Variants in MCM9 observed in about 807,000 individuals in gnomAD.
MCM9 encodes DNA helicase MCM9.
MCM9 carries 55 observed loss-of-function variants against 72.8 expected under a neutral mutation model. The ratio of observed to expected loss-of-function variants is 0.76; its 90% CI spans 0.61 to 0.95. MCM9 has a LOEUF of 0.95. Ranked by LOEUF, MCM9 falls within the 40% of genes least tolerant of loss-of-function variation. The pLI is 0.00. For synonymous variants in MCM9, 480 were observed against 503.4 expected, an observed-to-expected ratio of 0.95 and a Z score of 0.62; for missense variants, 1,279 against 1,377.0, an observed-to-expected ratio of 0.93 and a Z score of 1.13.
At chr6:118,894,377 C>G (rs751978421) in intron 8 of MCM9, 106 of 1,536,386 alleles carry the variant, frequency 6.9e-5, no homozygotes, top group Non-Finnish European at 8.5e-5. Context: ...GTGCCGCAAC[C>G]AGCCCCAGTT....
chr6:118,836,148 G>A lies in MCM9; in HGVS notation c.1326-6898C>T, dbSNP rs149681215. Among the ~76,000 whole-genome samples the A allele has an allele frequency of 3.3e-4, 50 of 152,264 alleles. 1 individual carries two copies. The highest frequency in any genetic ancestry group is 1.9e-3 in the South Asian group (9 of 4,826). ...TGGTTCTGTTTAAGTGATGGATTAC[G>A]TTTATTGATTTGCATATGTTGAACC... On this transcript the variant is annotated intron_variant, in intron 9 of 13. Coordinates refer to ENST00000619706, the MANE Select transcript of MCM9 (RefSeq NM_017696.3).
Position 118,931,465 on chromosome 6 carries a change from GCTGAGAAAGGGA to G in MCM9, c.247_258del (p.Ser83_Gln86del). On this transcript the variant is annotated inframe_deletion, in exon 3 of 14. Coordinates refer to ENST00000619706, the MANE Select transcript of MCM9 (RefSeq NM_017696.3). ...TTCTGTTTCATGGAAACAGCCTCAG[GCTGAGAAAGGGA>G]CTGGAGAATTGTCAAGGCTGACCTT... 3 of 1,613,948 alleles carry G rather than the reference GCTGAGAAAGGGA, an allele frequency of 1.9e-6. No homozygotes were observed. Among genetic ancestry groups the G allele is most frequent in the Non-Finnish European group, 2.5e-6 (3 of 1,179,844 alleles).
chr6:118,917,821 A>G (rs759327242), intron 5 of MCM9, 60 bp from the exon 6 acceptor site: 2 of 1,428,184 alleles, frequency 1.4e-6, no homozygotes, highest in Non-Finnish European at 2.0e-6. Context: ...CACAGACTCA[A>G]AATGACAAAG....
At chr6:118,832,147 A>G (rs1263864702) in intron 9 of MCM9, among the ~76,000 whole-genome samples, 3 of 152,180 alleles carry the variant, frequency 2.0e-5, no homozygotes, top group Admixed American at 1.3e-4. Flanking sequence ...TACAACCTCA[A>G]ACTCCTGGGC....
At chr6:118,826,386 C>CG (rs1271590078) in intron 12 of MCM9, 94 bp from the exon 13 acceptor site, 21 of 1,321,068 alleles carry the variant, frequency 1.6e-5, no homozygotes, top group Non-Finnish European at 2.1e-5. Context: ...GGGCTAAGAC[C>CG]GCCGTTTACA....
chr6:118,857,900 G>T (rs1003520393), intron 8 of MCM9, among the ~76,000 whole-genome samples: 3 of 152,046 alleles, frequency 2.0e-5, no homozygotes, highest in Admixed American at 6.5e-5. Context: ...AGGCTGAGAT[G>T]GCTTCATAGT....
rs548152456 is a variant in MCM9, at chr6:118,846,465, G to A, written c.1325+9906C>T. ...CAGGAGGAGGAGAGAATCCCATGTA[G>A]AGTGGGGAAATATTGAGAACAGGTT... is the stretch of plus-strand genomic sequence containing the variant. On this transcript the variant is annotated intron_variant, in intron 9 of 13. Transcript: ENST00000619706. Among the ~76,000 whole-genome samples, 12 of 151,922 alleles carry A rather than the reference G, an allele frequency of 7.9e-5. 2 individuals carry two copies. Among genetic ancestry groups the A allele is most frequent in the African/African-American group, 2.9e-4 (12 of 41,216 alleles).
At chr6:118,924,549 C>A (rs904912127) in intron 3 of MCM9, among the ~76,000 whole-genome samples, 1 of 151,964 alleles carries the variant, frequency 6.6e-6, no homozygotes, top group Non-Finnish European at 1.5e-5. Context: ...CGCAGCAGAC[C>A]GATAAAGAGA....
intron 8 of MCM9, among the ~76,000 whole-genome samples, chr6:118,879,733 A>T (rs1445583932): frequency 1.5e-5 from 2 of 130,802 alleles, no homozygotes; most frequent in African/African-American, 6.8e-5. Flanking sequence ...ACATCAAATT[A>T]AAAAAAAAAA....
intron 8 of MCM9, among the ~76,000 whole-genome samples, chr6:118,895,259 G>T (rs570596144): frequency 9.9e-5 from 15 of 152,096 alleles, no homozygotes; most frequent in African/African-American, 3.6e-4. Flanking sequence ...GGTCCTCCTC[G>T]GCCGGCGCCC....
At chr6:118,819,677 A>G (rs1420506946) in intron 13 of MCM9, among the ~76,000 whole-genome samples, 1 of 152,182 alleles carries the variant, frequency 6.6e-6, no homozygotes, top group East Asian at 1.9e-4. Flanking sequence ...ATTGTTTGAA[A>G]TAGTTTCAGA....
chr6:118,924,030 A>G lies in MCM9; in HGVS notation c.402T>C (p.Ser134=). ...GCTCAAACTCCAGAACCTTCACCAG[A>G]CTTGTTCGAATCACTGTCCCAGTGA... ...LSVTGTVIRT[S]LVKVLEFERD... Residue 134 remains serine (S), a synonymous_variant, in exon 4 of 14, where the codon AGT becomes AGC. Transcript: ENST00000619706. The G allele has an allele frequency of 6.2e-7, 1 of 1,614,182 alleles. No homozygotes were observed. Among genetic ancestry groups the G allele is most frequent in the South Asian group, 1.1e-5 (1 of 91,084 alleles).
chr6:118,894,673 G>A (rs1182704153), intron 8 of MCM9, among the ~76,000 whole-genome samples: 2 of 152,208 alleles, frequency 1.3e-5, no homozygotes, highest in African/African-American at 4.8e-5. Flanking sequence ...ATGGACGACG[G>A]CCGCCGAGGC....
intron 4 of MCM9, 30 bp downstream of exon 4, chr6:118,923,781 T>C: frequency 6.3e-7 from 1 of 1,593,266 alleles, no homozygotes; most frequent in East Asian, 2.2e-5. Context: ...CTTCTTCAAA[T>C]TTATTTATCT....
intron 8 of MCM9, among the ~76,000 whole-genome samples, chr6:118,907,184 G>A (rs370443125): frequency 3.9e-5 from 6 of 152,218 alleles, no homozygotes; most frequent in African/African-American, 9.6e-5. Flanking sequence ...CAGATTCTCC[G>A]TATCTTGTTT....
Position 118,856,478 on chromosome 6 carries a change from T to G in MCM9, c.1218A>C (p.Ala406=). The G allele has an allele frequency of 2.0e-6, 3 of 1,535,670 alleles. No homozygotes were observed. The highest frequency in any genetic ancestry group is 2.6e-6 in the Non-Finnish European group (3 of 1,146,858). The change falls in exon 9 of 14, where the codon GCA becomes GCC. Residue 406 remains alanine, a synonymous_variant. Transcript: ENST00000619706. ...CATCAATACAGCAAAGGCCCGCATCTGCAAGAACTAATGCCCCAGCCTCCA... is the reference window on the plus strand; with the variant it reads ...CATCAATACAGCAAAGGCCCGCATCGGCAAGAACTAATGCCCCAGCCTCCA... ...WNLEAGALVL[A]DAGLCCIDEF...
rs1773400740 is a variant in MCM9, at chr6:118,816,253, A to G, written c.2003T>C (p.Leu668Ser). 1 of 1,549,310 alleles carries G rather than the reference A, an allele frequency of 6.5e-7. No homozygotes were observed. The highest frequency in any genetic ancestry group is 1.4e-5 in the African/African-American group (1 of 73,014). Residue 668 changes from leucine (L) to serine (S), a missense_variant, in exon 14 of 14, where the codon TTG becomes TCG. By Grantham distance (145) the Leu-to-Ser change is moderately radical (BLOSUM62 -2). Transcript: ENST00000619706. The part of the protein sequence containing the change: ...QSVHQSQPRV[L>S]EVETTPGSLR... ...GGATCCTGGAGTAGTCTCTACCTCCAATACCCGTGGTTGGGATTGGTGCAC... is the reference window on the plus strand; with the variant it reads ...GGATCCTGGAGTAGTCTCTACCTCCGATACCCGTGGTTGGGATTGGTGCAC...
At chr6:118,894,003 C>A in intron 8 of MCM9, 1 of 985,544 alleles carries the variant, frequency 1.0e-6, no homozygotes, top group Non-Finnish European at 1.2e-6. Context: ...TCCGCGCGGG[C>A]CTCCCAGCCC....
intron 3 of MCM9, among the ~76,000 whole-genome samples, chr6:118,928,698 T>C (rs886543657): frequency 7.4e-6 from 1 of 135,416 alleles, no homozygotes; most frequent in African/African-American, 2.7e-5. Context: ...AAAAAAAAAA[T>C]TTAAATAGCT....
Sources: gnomAD v4.1 joint callset for allele counts (sites outside exome capture counted in the v4.1 genomes callset) on GRCh38, gnomAD v4.1.1 for gene constraint, MANE v1.5 for transcripts, NCBI Gene and HGNC (gene_info 2026-07-23, HGNC 2026-07-21) for gene names.